Variants in ATOSA observed in about 807,000 individuals in gnomAD.
ATOSA encodes atos homolog A, also known as atos homolog protein A.
At chr15:52,605,016 C>G in the ATOSA span, 1 of 687,012 alleles carries the variant, frequency 1.5e-6, no homozygotes, top group Non-Finnish European at 2.4e-6. Flanking sequence ...AAAATGTTTC[C>G]TTACTGGAAA....
chr15:52,647,072 GTC>G, the ATOSA span, among the ~76,000 whole-genome samples: 2 of 152,184 alleles, frequency 1.3e-5, no homozygotes, highest in Admixed American at 6.5e-5. Flanking sequence ...ACTGTAAGTA[GTC>G]TCTGGGCCCA....
the ATOSA span, among the ~76,000 whole-genome samples, chr15:52,620,205 C>A: frequency 2.0e-5 from 3 of 152,196 alleles, no homozygotes; most frequent in Admixed American, 6.5e-5. Context: ...GAAGTAAATT[C>A]TTCATTGCTA....
the ATOSA span, among the ~76,000 whole-genome samples, chr15:52,624,714 A>C: frequency 6.6e-6 from 1 of 152,048 alleles, no homozygotes; most frequent in Non-Finnish European, 1.5e-5. Flanking sequence ...AAATTCCACA[A>C]TCACTGAAAT....
chr15:52,671,215 T>A, the ATOSA span, among the ~76,000 whole-genome samples: 1 of 151,760 alleles, frequency 6.6e-6, no homozygotes, highest in Non-Finnish European at 1.5e-5. Context: ...TAAGATATGA[T>A]TAATTAAGAA....
chr15:52,658,639 A>T, the ATOSA span: 1 of 397,290 alleles, frequency 2.5e-6, no homozygotes, highest in African/African-American at 2.1e-5. Context: ...TTCCCATTCA[A>T]ACTCAAAATA....
chr15:52,589,123 GTTAT>G, the ATOSA span, among the ~76,000 whole-genome samples: 1 of 152,176 alleles, frequency 6.6e-6, no homozygotes, highest in Admixed American at 6.5e-5. Flanking sequence ...TTGTCATATG[GTTAT>G]TTAAAGCATG....
the ATOSA span, chr15:52,609,631 G>A: frequency 6.2e-7 from 1 of 1,613,006 alleles, no homozygotes; most frequent in Non-Finnish European, 8.5e-7. Flanking sequence ...ACTACCAAAA[G>A]TCATGGAGAA....
the ATOSA span, among the ~76,000 whole-genome samples, chr15:52,582,525 T>C: frequency 2.0e-5 from 3 of 152,332 alleles, no homozygotes; most frequent in African/African-American, 7.2e-5. Flanking sequence ...ATACTCCTTT[T>C]CCTTCCCTCA....
chr15:52,700,504 A>G, the ATOSA span, among the ~76,000 whole-genome samples: 2 of 152,202 alleles, frequency 1.3e-5, no homozygotes, highest in Non-Finnish European at 2.9e-5. Flanking sequence ...ACTTCAAAAC[A>G]TAGCTTTCAG....
chr15:52,622,286 G>A, the ATOSA span, among the ~76,000 whole-genome samples: 2 of 152,146 alleles, frequency 1.3e-5, no homozygotes, highest in Admixed American at 6.5e-5. Context: ...AAAAACAAAT[G>A]TTTAAAAAAT....
the ATOSA span, among the ~76,000 whole-genome samples, chr15:52,583,853 T>C: frequency 4.6e-5 from 7 of 152,128 alleles, no homozygotes; most frequent in African/African-American, 1.7e-4. Flanking sequence ...GGCAGAAGAC[T>C]GAGATGAAAG....
chr15:52,661,188 G>A, the ATOSA span, among the ~76,000 whole-genome samples: 6 of 152,156 alleles, frequency 3.9e-5, no homozygotes, highest in Non-Finnish European at 5.9e-5. Context: ...TTTCAAGGAT[G>A]AAATGTCTTA....
chr15:52,687,027 G>A, the ATOSA span, among the ~76,000 whole-genome samples: 1 of 152,174 alleles, frequency 6.6e-6, no homozygotes, highest in African/African-American at 2.4e-5. Context: ...CAAATACTTT[G>A]CTGGGCCCTA....
the ATOSA span, among the ~76,000 whole-genome samples, chr15:52,637,609 C>T: frequency 2.0e-5 from 3 of 152,254 alleles, no homozygotes; most frequent in Admixed American, 1.3e-4. Context: ...CATCTCTTAC[C>T]GTTCCCATCC....
the ATOSA span, among the ~76,000 whole-genome samples, chr15:52,682,760 A>G: frequency 3.3e-5 from 5 of 152,246 alleles, no homozygotes; most frequent in African/African-American, 1.2e-4. Flanking sequence ...TTAAAAAGAA[A>G]AATGTACTTT....
At chr15:52,633,216 T>C in the ATOSA span, among the ~76,000 whole-genome samples, 1 of 152,262 alleles carries the variant, frequency 6.6e-6, no homozygotes, top group Non-Finnish European at 1.5e-5. Flanking sequence ...GATTTCTATA[T>C]TCACTCCTTT....
At chr15:52,661,954 A>C in the ATOSA span, among the ~76,000 whole-genome samples, 2 of 141,318 alleles carry the variant, frequency 1.4e-5, no homozygotes, top group Non-Finnish European at 3.1e-5. Context: ...AAAAAAAAAC[A>C]GCAAAAAAAA....
At chr15:52,611,245 G>A in the ATOSA span, 2 of 1,612,404 alleles carry the variant, frequency 1.2e-6, no homozygotes, top group Non-Finnish European at 1.7e-6. Flanking sequence ...TCAATAAATC[G>A]GTCACCATTC....
At chr15:52,633,782 C>T in the ATOSA span, among the ~76,000 whole-genome samples, 8 of 152,098 alleles carry the variant, frequency 5.3e-5, no homozygotes, top group Non-Finnish European at 8.8e-5. Context: ...TATATCTATA[C>T]AAAAACACTG....
Sources: allele counts gnomAD v4.1 joint callset (sites outside exome capture counted in the v4.1 genomes callset), GRCh38; gene constraint gnomAD v4.1.1; transcripts MANE v1.5; gene names NCBI Gene and HGNC (gene_info 2026-07-23, HGNC 2026-07-21).